PTPRF: variants seen among roughly 807,000 people sequenced by gnomAD.
The protein encoded by PTPRF is protein tyrosine phosphatase receptor type F, also known as receptor-type tyrosine-protein phosphatase F.
PTPRF carries 59 observed loss-of-function variants against 201.8 expected under a neutral mutation model. That is an observed-to-expected ratio of 0.29 (90% CI 0.24 to 0.36). PTPRF has a LOEUF of 0.36. Ranked by LOEUF, PTPRF falls within the 10% of genes least tolerant of loss-of-function variation. The probability of loss-of-function intolerance (pLI) is 1.00; values close to 1 mark genes in which losing one functional copy is unlikely to be tolerated. For missense variants in PTPRF, 2,132 were observed against 2,690.5 expected (o/e 0.79, Z 4.59); for synonymous variants, 1,088 against 1,089.7 (o/e 1.00, Z 0.03).
In PTPRF at chr1:43,553,945, C is replaced by T. The variant is rs747850086; in HGVS notation, c.379+4C>T. ...GCCAAGCTCTCAGTGCTCGAAGGTA[C>T]GTGCTAGGGAGACGTGGCACGGTGG... On this transcript the variant is annotated splice_donor_region_variant and intron_variant, in intron 5 of 33. Coordinates refer to ENST00000359947, the MANE Select transcript of PTPRF (RefSeq NM_002840.5). This position sits in a 1 kb window ranked among gnomAD's most constrained non-coding sequence, Gnocchi z 4.1. 9 of 1,613,330 alleles carry T rather than the reference C, an allele frequency of 5.6e-6. No individual in the cohort carries two copies. The highest frequency in any genetic ancestry group is 5.0e-5 in the Admixed American group (3 of 59,966).
chr1:43,606,208 C>G, intron 19 of PTPRF, 32 bp from the exon 20 acceptor site: 1 of 1,592,300 alleles, frequency 6.3e-7, no homozygotes, highest in South Asian at 1.1e-5. Context: ...TGCTCCAAGG[C>G]CCCTCATGAC....
Position 43,622,116 on chromosome 1 carries a change from A to T in PTPRF, c.*113A>T. The T allele has an allele frequency of 1.7e-6, 2 of 1,142,962 alleles. No individual in the cohort carries two copies. The highest frequency in any genetic ancestry group is 2.6e-5 in the South Asian group (2 of 78,008). The allele number at this position is 1,142,962 out of a possible 1,614,324, so 70.8% of individuals were successfully genotyped here. On this transcript the variant is annotated 3_prime_UTR_variant, in exon 34 of 34. Coordinates refer to ENST00000359947, the MANE Select transcript of PTPRF (RefSeq NM_002840.5). Reference sequence around the variant, plus strand: ...CTCCTACGCAGATGCTGTCACTGGCAGAGCACAGCCCACGGGGATCACAGC... The same window carrying T: ...CTCCTACGCAGATGCTGTCACTGGCTGAGCACAGCCCACGGGGATCACAGC...
intron 22 of PTPRF, among the ~76,000 whole-genome samples, chr1:43,610,219 C>A (rs553021697): frequency 6.6e-6 from 1 of 152,274 alleles, no homozygotes; most frequent in African/African-American, 2.4e-5. Context: ...CTTGTCATCC[C>A]CCATCCCTTG....
intron 6 of PTPRF, among the ~76,000 whole-genome samples, chr1:43,575,062 G>A (rs1646832779): frequency 6.6e-6 from 1 of 152,226 alleles, no homozygotes; most frequent in Admixed American, 6.5e-5. Flanking sequence ...GACGTGGGCT[G>A]GACCTGGGCC....
At chr1:43,606,722 C>T (rs1205787828) in intron 20 of PTPRF, 92 bp from the exon 21 acceptor site, 2 of 1,522,902 alleles carry the variant, frequency 1.3e-6, no homozygotes, top group Non-Finnish European at 1.8e-6. Flanking sequence ...CAGGGTAACC[C>T]AGACCCAGAG....
rs1387784528 is a variant in PTPRF at position 43,598,769 on chromosome 1, T to A, written c.2169T>A (p.Thr723=). Reference sequence around the variant, plus strand: ...TGGAGGTGGAGCCACTGAACTCCACTGCTGTGCATGTCTACTGGAAGCTGC... The same window carrying A: ...TGGAGGTGGAGCCACTGAACTCCACAGCTGTGCATGTCTACTGGAAGCTGC... The part of the protein sequence containing the change: ...RKVEVEPLNS[T]AVHVYWKLPV... The change falls in exon 13 of 34, where the codon ACT becomes ACA. Residue 723 remains threonine (T), a synonymous_variant. Transcript: ENST00000359947. 4 of 1,614,042 alleles carry A rather than the reference T, an allele frequency of 2.5e-6. No individual in the cohort carries two copies. In the African/African-American group the frequency reaches 4.0e-5, roughly 16 times the overall value.
intron 5 of PTPRF, among the ~76,000 whole-genome samples, chr1:43,565,696 G>A (rs1646117608): frequency 6.8e-6 from 1 of 148,014 alleles, no homozygotes; most frequent in African/African-American, 2.7e-5. Flanking sequence ...CCCGGTTGGG[G>A]GTGGAGGGGA....
chr1:43,603,661 C>T lies in PTPRF; in HGVS notation c.2509C>T (p.Leu837=). 6.2e-7 allele frequency: 1 copy of T among 1,613,670 alleles called. No individual in the cohort carries two copies. Among genetic ancestry groups the T allele is most frequent in the South Asian group, 1.1e-5 (1 of 91,066 alleles). Residue 837 remains leucine (L), a synonymous_variant, in exon 16 of 34, where the codon CTG becomes TTG. Transcript: ENST00000359947. This position sits in a 1 kb window ranked among gnomAD's most constrained non-coding sequence, Gnocchi z 5.8. ...MISTTAMNTA[L]LQWHPPKELP... is the part of the protein sequence containing the mutation. Reference sequence around the variant, plus strand: ...CAGCACCACGGCCATGAACACTGCGCTGCTCCAGTGGCACCCACCCAAGGA... The same window carrying T: ...CAGCACCACGGCCATGAACACTGCGTTGCTCCAGTGGCACCCACCCAAGGA...
chr1:43,620,249 CT>C, intron 30 of PTPRF, 28 bp downstream of exon 30: 3 of 1,612,008 alleles, frequency 1.9e-6, no homozygotes, highest in Non-Finnish European at 1.7e-6. Context: ...CCCAGGGCCC[CT>C]GTCATACCTG....
chr1:43,538,951 A>G (rs1223599927), intron 2 of PTPRF, among the ~76,000 whole-genome samples: 1 of 152,244 alleles, frequency 6.6e-6, no homozygotes, highest in African/African-American at 2.4e-5. Flanking sequence ...CCTGAGGGCA[A>G]TACAGCAGCA....
intron 7 of PTPRF, among the ~76,000 whole-genome samples, chr1:43,580,525 A>G (rs1647316589): frequency 6.6e-6 from 1 of 152,346 alleles, no homozygotes; most frequent in South Asian, 2.1e-4. Flanking sequence ...CTCAAGGCTC[A>G]GGCCTCAGGT....
Position 43,545,124 on chromosome 1 carries a change from G to A in PTPRF, c.49G>A (p.Ala17Thr), listed in dbSNP as rs1384122242. The change falls in exon 3 of 34, where the codon GCA becomes ACA. Residue 17 changes from alanine to threonine, a missense_variant. Physicochemically the swap from Ala to Thr is moderately conservative, Grantham distance 58. Transcript: ENST00000359947. ...PGRTMVPLVP[A>T]LVMLGLVAGA... ...GAGGACGATGGTGCCCCTTGTGCCTGCACTGGTGATGCTTGGTTTGGTGGC... is the reference window on the plus strand; with the variant it reads ...GAGGACGATGGTGCCCCTTGTGCCTACACTGGTGATGCTTGGTTTGGTGGC... 6.3e-7 allele frequency: 1 copy of A among 1,590,738 alleles called. No individual in the cohort carries two copies.
At chr1:43,587,078 C>T (rs1265596081) in intron 7 of PTPRF, among the ~76,000 whole-genome samples, 4 of 152,112 alleles carry the variant, frequency 2.6e-5, no homozygotes, top group African/African-American at 4.8e-5. Flanking sequence ...TCTGGGGCTG[C>T]CAGGGTTTGG....
At chr1:43,580,438 A>G (rs913231057) in intron 7 of PTPRF, among the ~76,000 whole-genome samples, 1 of 152,210 alleles carries the variant, frequency 6.6e-6, no homozygotes, top group East Asian at 1.9e-4. Flanking sequence ...TGTGCTTCAG[A>G]GACTATTAAA....
At position 43,581,061 on chromosome 1, in the gene PTPRF, C is replaced by G. The variant is rs534602485; in HGVS notation, c.679+2141C>G. ...CAGAGCAGTGGGTCTCTTTGGAGAT[C>G]GACTGAGCTCAGCTGCTGTAGCTGG... On this transcript the variant is annotated intron_variant, in intron 7 of 33. Coordinates refer to ENST00000359947, the MANE Select transcript of PTPRF (RefSeq NM_002840.5). 3.3e-5 allele frequency among the ~76,000 whole-genome samples: 5 copies of G among 152,350 alleles called. No individual in the cohort carries two copies. In the South Asian group the frequency reaches 1.0e-3, roughly 32 times the overall value.
rs758181842 is a variant in PTPRF at position 43,592,518 on chromosome 1, T to A, written c.1730T>A (p.Leu577His). The A allele has an allele frequency of 1.1e-4, 172 of 1,612,992 alleles. No homozygotes were observed. Among genetic ancestry groups the A allele is most frequent in the Non-Finnish European group, 1.4e-4 (160 of 1,179,702 alleles). ...YTLEDLKPDT[L>H]YRFQLAARSD... is the part of the protein sequence containing the mutation. ...CTAGAGGACCTGAAGCCTGACACACTCTACCGCTTCCAGCTGGCTGCACGC... is the reference window on the plus strand; with the variant it reads ...CTAGAGGACCTGAAGCCTGACACACACTACCGCTTCCAGCTGGCTGCACGC... Residue 577 changes from leucine (L) to histidine (H), a missense_variant, in exon 11 of 34, where the codon CTC (leucine) becomes CAC (histidine). Physicochemically the swap from Leu to His is moderately conservative, Grantham distance 99 (BLOSUM62 -3). This residue lies in a region of PTPRF where 351 missense variants were observed against 401.7 expected (regional missense o/e 0.87). Coordinates refer to ENST00000359947, the MANE Select transcript of PTPRF (RefSeq NM_002840.5).
chr1:43,531,425 C>T (rs1420759217), intron 1 of PTPRF, among the ~76,000 whole-genome samples: 2 of 127,964 alleles, frequency 1.6e-5, no homozygotes, highest in Non-Finnish European at 1.7e-5. Context: ...GCAAAGTTTC[C>T]CGTTTGCGTT....
At chr1:43,616,491 G>T (rs1332148954) in intron 23 of PTPRF, among the ~76,000 whole-genome samples, 1 of 151,930 alleles carries the variant, frequency 6.6e-6, no homozygotes, top group Non-Finnish European at 1.5e-5. Flanking sequence ...CCTCAATTGG[G>T]GTGGCCTGGC....
At chr1:43,572,361 G>C (rs1481933030) in intron 6 of PTPRF, among the ~76,000 whole-genome samples, 2 of 152,204 alleles carry the variant, frequency 1.3e-5, no homozygotes, top group Non-Finnish European at 2.9e-5. Flanking sequence ...CTGCTTTCCA[G>C]GTCCAAGGAA....
Sources: allele counts gnomAD v4.1 joint callset (sites outside exome capture counted in the v4.1 genomes callset), GRCh38; gene constraint gnomAD v4.1.1; regional missense constraint gnomAD v4.1.1; non-coding constraint Gnocchi (gnomAD v3.1); transcripts MANE v1.5; gene names NCBI Gene and HGNC (gene_info 2026-07-23, HGNC 2026-07-21).